The following NR3C1 variants were observed in gnomAD, a reference collection of about 807,000 sequenced individuals.
The protein encoded by NR3C1 is nuclear receptor subfamily 3 group C member 1.
Under a neutral mutation model 74.0 loss-of-function variants are expected in NR3C1, and 14 were observed. The ratio of observed to expected loss-of-function variants is 0.19; its 90% CI spans 0.12 to 0.30. The LOEUF (loss-of-function observed/expected upper bound fraction) is 0.30, where lower values mean the gene tolerates loss of function less well. Among genes scored for constraint, NR3C1 ranks in the 10% least tolerant of loss-of-function variants. The pLI is 1.00. For synonymous variants in NR3C1, 308 were observed against 332.5 expected (o/e 0.93, Z 0.80); for missense variants, 695 against 909.8 (o/e 0.76, Z 3.04).
At chr5:143,382,012 T>C (rs965039866) in intron 2 of NR3C1, among the ~76,000 whole-genome samples, 1 of 152,156 alleles carries the variant, frequency 6.6e-6, no homozygotes, top group Admixed American at 6.6e-5. Context: ...ATTTGCAAGC[T>C]ACCCATCTGA....
At chr5:143,423,520 A>G (rs1263701711) in intron 1 of NR3C1, among the ~76,000 whole-genome samples, 1 of 152,168 alleles carries the variant, frequency 6.6e-6, no homozygotes, top group Non-Finnish European at 1.5e-5. Context: ...AAATTAGTAC[A>G]GCCACTATGG....
chr5:143,368,993 A>G (rs1833785046), intron 2 of NR3C1, among the ~76,000 whole-genome samples: 1 of 152,146 alleles, frequency 6.6e-6, no homozygotes, highest in African/African-American at 2.4e-5. Context: ...TAAAGCCACT[A>G]GTCCCAATCC....
At chr5:143,309,346 C>G (rs1820403828) in intron 4 of NR3C1, among the ~76,000 whole-genome samples, 1 of 152,120 alleles carries the variant, frequency 6.6e-6, no homozygotes, top group Non-Finnish European at 1.5e-5. Flanking sequence ...GCGGGGAGAC[C>G]AAGAAACTTT....
chr5:143,427,562 G>A (rs184629364), intron 1 of NR3C1, among the ~76,000 whole-genome samples: 2,398 of 152,266 alleles, frequency 0.016, 19 homozygotes, highest in Non-Finnish European at 0.023. Context: ...TGGGAAGGCC[G>A]TAGCCAGTGT....
At chr5:143,317,723 T>C (rs1046269676) in intron 2 of NR3C1, among the ~76,000 whole-genome samples, 1 of 152,198 alleles carries the variant, frequency 6.6e-6, no homozygotes, top group African/African-American at 2.4e-5. Context: ...GGATGGATTA[T>C]GAGTTAATCA....
chr5:143,404,458 G>A (rs1000912671), upstream of NR3C1: 77 of 985,134 alleles, frequency 7.8e-5, no homozygotes, highest in Non-Finnish European at 8.7e-5. Context: ...TGCCGCCGCC[G>A]CGCTCTCGCA....
intron 2 of NR3C1, among the ~76,000 whole-genome samples, chr5:143,381,229 A>G (rs1438638905): frequency 2.6e-5 from 4 of 152,054 alleles, no homozygotes; most frequent in Non-Finnish European, 5.9e-5. Flanking sequence ...AATAAACTCA[A>G]CGAAAGAAGT....
chr5:143,411,150 G>A (rs1238869509), intron 1 of NR3C1, among the ~76,000 whole-genome samples: 1 of 152,096 alleles, frequency 6.6e-6, no homozygotes, highest in Non-Finnish European at 1.5e-5. Flanking sequence ...CCTTCCTAAC[G>A]CTGCATTCAG....
intron 2 of NR3C1, among the ~76,000 whole-genome samples, chr5:143,351,802 G>A (rs1030794556): frequency 6.6e-6 from 1 of 152,070 alleles, no homozygotes; most frequent in African/African-American, 2.4e-5. Flanking sequence ...GAAGCTATCC[G>A]ATGGTTCCTA....
Position 143,403,364 on chromosome 5 carries a change from G to A in NR3C1, c.-167C>T, listed in dbSNP as rs909435494. 3.0e-6 allele frequency: 3 copies of A among 985,342 alleles called. No homozygotes were observed. The highest frequency in any genetic ancestry group is 3.6e-6 in the Non-Finnish European group (3 of 829,962). 61.0% of individuals were successfully genotyped at this position (985,342 alleles called of 1,614,324 possible). A position where few individuals can be genotyped will look rare whatever the true frequency, so the allele number is the denominator to read the frequency against. On this transcript the variant is annotated 5_prime_UTR_variant, in exon 1 of 9. Transcript: ENST00000394464. ...AACAGCCGCCCCTTTCTCCATGGGT[G>A]GGGGGAGAGCCCCTATTTAAGAAAG... is the stretch of plus-strand genomic sequence containing the variant.
At chr5:143,403,752 G>T (rs1840809747), upstream of NR3C1, 4 of 984,766 alleles carry the variant, frequency 4.1e-6, no homozygotes, top group Non-Finnish European at 4.8e-6. Context: ...CCCGCCCGAG[G>T]GGCCGCGCGG....
At chr5:143,429,348 T>C (rs993213652) in intron 1 of NR3C1, among the ~76,000 whole-genome samples, 1 of 152,234 alleles carries the variant, frequency 6.6e-6, no homozygotes, top group African/African-American at 2.4e-5. Context: ...AATCTCACCA[T>C]ATGGTTAAAT....
intron 2 of NR3C1, among the ~76,000 whole-genome samples, chr5:143,324,166 G>A (rs1210789557): frequency 2.6e-5 from 4 of 152,226 alleles, no homozygotes; most frequent in Non-Finnish European, 5.9e-5. Context: ...TAGGGATTCT[G>A]TGTGAGGGCT....
In NR3C1 at chr5:143,403,602, C is replaced by CGGA. The variant is rs909480417; in HGVS notation, c.-408_-406dup. 1.0e-6 allele frequency: 1 copy of CGGA among 985,924 alleles called. No individual in the cohort carries two copies. Among genetic ancestry groups the CGGA allele is most frequent in the African/African-American group, 1.7e-5 (1 of 57,258 alleles). 61.1% of individuals were successfully genotyped at this position (985,924 alleles called of 1,614,324 possible). ...GCTCGCAAAATGGAGGAGGCGGCGG[C>CGGA]GGAGGGAAGAGAGCGCGGACACGCG... is the stretch of plus-strand genomic sequence containing the variant. On this transcript the variant is annotated 5_prime_UTR_variant, in exon 1 of 9. Coordinates refer to ENST00000394464, the MANE Select transcript of NR3C1 (RefSeq NM_000176.3).
intron 2 of NR3C1, among the ~76,000 whole-genome samples, chr5:143,344,839 C>T (rs1206939088): frequency 6.6e-6 from 1 of 152,092 alleles, no homozygotes. Flanking sequence ...CACCACTGCA[C>T]TGCAATCCAG....
At chr5:143,375,948 G>C (rs1448805889) in intron 2 of NR3C1, 1 of 152,126 alleles carries the variant, frequency 6.6e-6, no homozygotes, top group Non-Finnish European at 1.5e-5. Flanking sequence ...AAATTTTCAT[G>C]AACCACTTCT....
intron 7 of NR3C1, 78 bp from the exon 8 acceptor site, chr5:143,282,803 A>G: frequency 7.0e-7 from 1 of 1,435,316 alleles, no homozygotes; most frequent in Non-Finnish European, 9.4e-7. Flanking sequence ...TGAGATAGAT[A>G]GGGTCTCACT....
At chr5:143,330,067 A>G (rs750159959) in intron 2 of NR3C1, among the ~76,000 whole-genome samples, 9 of 152,154 alleles carry the variant, frequency 5.9e-5, no homozygotes, top group East Asian at 5.8e-4. Flanking sequence ...ACAATAGAAT[A>G]TAAGTTTTGT....
intron 2 of NR3C1, among the ~76,000 whole-genome samples, chr5:143,386,463 G>A (rs1383950879): frequency 1.3e-5 from 2 of 152,094 alleles, no homozygotes; most frequent in African/African-American, 2.4e-5. Context: ...GGATGTTCAG[G>A]GTGTACTTGT....
Sources: gnomAD v4.1 joint callset for allele counts (sites outside exome capture counted in the v4.1 genomes callset) on GRCh38, gnomAD v4.1.1 for gene constraint, MANE v1.5 for transcripts, NCBI Gene and HGNC (gene_info 2026-07-23, HGNC 2026-07-21) for gene names.